Variants in FBXO11 observed in about 807,000 individuals in gnomAD.
FBXO11 encodes the protein F-box protein 11.
Under a neutral mutation model 117.0 loss-of-function variants are expected in FBXO11, and 13 were observed. The ratio of observed to expected loss-of-function variants is 0.11; its 90% CI spans 0.07 to 0.18. The LOEUF is 0.18. FBXO11 is among the 10% of genes least tolerant of loss of function. FBXO11 has a pLI of 1.00. For missense variants in FBXO11, 767 were observed against 1,164.4 expected (o/e 0.66, Z 4.97); for synonymous variants, 490 against 380.5 (o/e 1.29, Z -3.35).
chr2:47,837,288 A>T (rs1040029030), intron 4 of FBXO11, among the ~76,000 whole-genome samples: 6 of 152,162 alleles, frequency 3.9e-5, no homozygotes, highest in African/African-American at 1.4e-4. Flanking sequence ...GCACTTTGGG[A>T]GGCCCAGGCA....
intron 1 of FBXO11, among the ~76,000 whole-genome samples, chr2:47,880,499 G>GA (rs1676356255): frequency 6.6e-6 from 1 of 152,108 alleles, no homozygotes; most frequent in Non-Finnish European, 1.5e-5. Flanking sequence ...TGTGGAATCA[G>GA]AATGTCCAGT....
chr2:47,831,620 G>T (rs1472784200), intron 11 of FBXO11, among the ~76,000 whole-genome samples: 1 of 151,700 alleles, frequency 6.6e-6, no homozygotes, highest in African/African-American at 2.4e-5. Flanking sequence ...TGCTGTATTA[G>T]GACTTGAAAA....
At position 47,890,358 on chromosome 2, in the gene FBXO11, T is replaced by C. The variant is rs17037039; in HGVS notation, c.232+15131A>G. 3.9e-3 allele frequency among the ~76,000 whole-genome samples: 587 copies of C among 152,254 alleles called. 3 individuals are homozygous for C. The highest frequency in any genetic ancestry group is 0.013 in the African/African-American group (534 of 41,526). On this transcript the variant is annotated intron_variant, in intron 1 of 22. Coordinates refer to ENST00000403359, the MANE Select transcript of FBXO11 (RefSeq NM_001190274.2). ...ATTATCATCCTAAAGTTGCTGTGAA[T>C]AAAAATATAGATGTCTATAAATTAA...
intron 1 of FBXO11, among the ~76,000 whole-genome samples, chr2:47,898,680 A>C (rs1475340712): frequency 6.6e-6 from 1 of 152,176 alleles, no homozygotes; most frequent in African/African-American, 2.4e-5. Context: ...TACTTGAAAA[A>C]TGTGAAACCA....
intron 1 of FBXO11, among the ~76,000 whole-genome samples, chr2:47,841,351 A>G (rs1007872938): frequency 6.6e-6 from 1 of 152,128 alleles, no homozygotes; most frequent in African/African-American, 2.4e-5. Context: ...ATGAAGGGAT[A>G]ATAAAATTAG....
chr2:47,825,823 C>G (rs112364231), intron 11 of FBXO11, among the ~76,000 whole-genome samples: 11,054 of 152,018 alleles, frequency 0.073, 562 homozygotes, highest in Non-Finnish European at 0.11. Context: ...GCAATCCTCC[C>G]GCCTTGGCCT....
intron 1 of FBXO11, among the ~76,000 whole-genome samples, chr2:47,840,305 G>T (rs1219236075): frequency 6.6e-6 from 1 of 151,968 alleles, no homozygotes; most frequent in African/African-American, 2.4e-5. Context: ...GAGTGGGAAG[G>T]GAACTGGTAC....
At chr2:47,896,705 T>C (rs1411846400) in intron 1 of FBXO11, among the ~76,000 whole-genome samples, 1 of 152,186 alleles carries the variant, frequency 6.6e-6, no homozygotes, top group Admixed American at 6.5e-5. Context: ...ATAATCAGTC[T>C]CTTAAAAATG....
chr2:47,893,353 C>CAT lies in FBXO11; in HGVS notation c.232+12134_232+12135dup, dbSNP rs147206146. Among the ~76,000 whole-genome samples the CAT allele has an allele frequency of 6.0e-3, 893 of 149,778 alleles. 8 individuals carry two copies. Among genetic ancestry groups the CAT allele is most frequent in the East Asian group, 0.016 (84 of 5,146 alleles). ...TATATATAAATCACATGTGTATGTG[C>CAT]ATATATATATATATACACACATACT... is the stretch of plus-strand genomic sequence containing the variant. On this transcript the variant is annotated intron_variant, in intron 1 of 22. Coordinates refer to ENST00000403359, the MANE Select transcript of FBXO11 (RefSeq NM_001190274.2).
intron 3 of FBXO11, 65 bp from the exon 4 acceptor site, chr2:47,839,068 AG>A: frequency 1.3e-6 from 2 of 1,501,230 alleles, no homozygotes; most frequent in Non-Finnish European, 1.8e-6. Context: ...TAAAGAACAC[AG>A]TTTTCATTTT....
At chr2:47,852,578 G>C (rs1241509366) in intron 1 of FBXO11, among the ~76,000 whole-genome samples, 1 of 152,142 alleles carries the variant, frequency 6.6e-6, no homozygotes, top group Admixed American at 6.6e-5. Context: ...ATGGACTCTA[G>C]ATATGATGTT....
At chr2:47,808,616 C>T (rs1170067186) in intron 21 of FBXO11, 189 bp from the exon 22 acceptor site, 15 of 501,720 alleles carry the variant, frequency 3.0e-5, no homozygotes, top group Non-Finnish European at 4.9e-5. Flanking sequence ...TCTGTGTCTT[C>T]GGAGGGAAGA....
chr2:47,820,571 A>G, intron 13 of FBXO11, 115 bp from the exon 14 acceptor site: 2 of 700,014 alleles, frequency 2.9e-6, no homozygotes, highest in Non-Finnish European at 4.8e-6. Context: ...GACCATTACA[A>G]GACAAAATTA....
At position 47,810,447 on chromosome 2, in the gene FBXO11, A is replaced by G. The variant is rs772991730; in HGVS notation, c.2228-21T>C. On this transcript the variant is annotated intron_variant, in intron 18 of 22. Coordinates refer to ENST00000403359, the MANE Select transcript of FBXO11 (RefSeq NM_001190274.2). ...GAGACCTATAATAAAATATTTCCTT[A>G]GATTAAGGCTAATGCATATAACAGA... The G allele has an allele frequency of 2.0e-6, 3 of 1,514,934 alleles. No individual in the cohort carries two copies. The South Asian group carries it at 3.5e-5, about 18-fold the overall frequency. The allele number at this position is 1,514,934 out of a possible 1,614,324, so 93.8% of individuals were successfully genotyped here. A position where few individuals can be genotyped will look rare whatever the true frequency, so the allele number is the denominator to read the frequency against.
intron 1 of FBXO11, among the ~76,000 whole-genome samples, chr2:47,896,511 G>T (rs1677678850): frequency 6.6e-6 from 1 of 152,024 alleles, no homozygotes; most frequent in Non-Finnish European, 1.5e-5. Flanking sequence ...TGTATTTTCT[G>T]TAGAGACGGG....
At chr2:47,821,613 A>G (rs922693254) in intron 13 of FBXO11, among the ~76,000 whole-genome samples, 2 of 150,638 alleles carry the variant, frequency 1.3e-5, no homozygotes, top group South Asian at 2.1e-4. Flanking sequence ...CCGTCTCAAA[A>G]GAAAAAAAAA....
At chr2:47,890,678 G>A (rs1363480554) in intron 1 of FBXO11, among the ~76,000 whole-genome samples, 2 of 151,938 alleles carry the variant, frequency 1.3e-5, no homozygotes, top group Admixed American at 6.6e-5. Flanking sequence ...GGTGGCAAGC[G>A]CCTATAACCC....
rs554010244 is a variant in FBXO11 at position 47,871,070 on chromosome 2, C to T, written c.233-31301G>A. ...TCCTCTTCCTTGAGTATTGATACTCCTCCCCTTAAGTATTGGTTGAGCTTA... is the reference window on the plus strand; with the variant it reads ...TCCTCTTCCTTGAGTATTGATACTCTTCCCCTTAAGTATTGGTTGAGCTTA... On this transcript the variant is annotated intron_variant, in intron 1 of 22. Transcript: ENST00000403359. Among the ~76,000 whole-genome samples the T allele has an allele frequency of 5.3e-5, 8 of 152,312 alleles. No homozygotes were observed. In the South Asian group the frequency reaches 1.7e-3, roughly 32 times the overall value.
intron 1 of FBXO11, among the ~76,000 whole-genome samples, chr2:47,897,811 G>C (rs1677792202): frequency 6.7e-6 from 1 of 149,566 alleles, no homozygotes; most frequent in African/African-American, 2.5e-5. Flanking sequence ...TAGGAAAAAA[G>C]AGTAAAAATG....
Sources: allele counts gnomAD v4.1 joint callset (sites outside exome capture counted in the v4.1 genomes callset), GRCh38; gene constraint gnomAD v4.1.1; transcripts MANE v1.5; gene names NCBI Gene and HGNC (gene_info 2026-07-23, HGNC 2026-07-21).